The following CD36 variants were observed in gnomAD, a reference collection of about 807,000 sequenced individuals.
CD36 encodes CD36 molecule (CD36 blood group).
CD36 carries 119 observed loss-of-function variants against 55.2 expected under a neutral mutation model. The ratio of observed to expected loss-of-function variants is 2.15; its 90% CI spans 1.86 to 2.51. The LOEUF (loss-of-function observed/expected upper bound fraction) is 2.51, where lower values mean the gene tolerates loss of function less well. Among genes scored for constraint, CD36 ranks in the 30% most tolerant of loss-of-function variants. The pLI is 0.00. For missense variants in CD36, 819 were observed against 555.5 expected (o/e 1.47, Z -4.77); for synonymous variants, 186 against 193.6 (o/e 0.96, Z 0.33).
chr7:80,652,178 A>G (rs1795677871), intron 3 of CD36, among the ~76,000 whole-genome samples: 3 of 152,212 alleles, frequency 2.0e-5, no homozygotes, highest in South Asian at 2.1e-4. Flanking sequence ...ATGTGCATAT[A>G]GCTGTAATAA....
chr7:80,664,347 T>C (rs1796819040), intron 6 of CD36, 59 bp from the exon 7 acceptor site: 2 of 870,264 alleles, frequency 2.3e-6, no homozygotes, highest in Non-Finnish European at 4.0e-6. Context: ...GAGTTATGTA[T>C]TGTACAACTT....
At chr7:80,641,565 A>T (rs1239413334) in intron 1 of CD36, among the ~76,000 whole-genome samples, 1 of 152,066 alleles carries the variant, frequency 6.6e-6, no homozygotes, top group African/African-American at 2.4e-5. Context: ...ATAGATAGAA[A>T]AAAAAGAAAT....
chr7:80,635,148 A>T (rs1329621603), upstream of CD36, among the ~76,000 whole-genome samples: 1 of 152,142 alleles, frequency 6.6e-6, no homozygotes, highest in East Asian at 1.9e-4. Context: ...GAGGAATACA[A>T]TTGGGGATTG....
At chr7:80,664,097 G>A (rs1186061839) in intron 6 of CD36, among the ~76,000 whole-genome samples, 3 of 152,038 alleles carry the variant, frequency 2.0e-5, no homozygotes, top group Non-Finnish European at 4.4e-5. Context: ...TTATAGGTTT[G>A]TTCAATGTCC....
At chr7:80,622,811 A>T (rs1793540664) in intron 1 of CD36, among the ~76,000 whole-genome samples, 1 of 152,192 alleles carries the variant, frequency 6.6e-6, no homozygotes, top group African/African-American at 2.4e-5. Context: ...CTCTGTGTAT[A>T]AGCTGCATCT....
At chr7:80,631,227 T>C (rs570396849) in intron 1 of CD36, among the ~76,000 whole-genome samples, 35 of 152,160 alleles carry the variant, frequency 2.3e-4, no homozygotes, top group African/African-American at 8.4e-4. Context: ...TGAAATGGGA[T>C]GATCACAGTA....
intron 7 of CD36, 58 bp downstream of exon 7, chr7:80,664,555 G>T: frequency 1.1e-6 from 1 of 938,998 alleles, no homozygotes; most frequent in East Asian, 2.4e-5. Context: ...AGCAGGAATA[G>T]TATTCATTTA....
intron 8 of CD36, among the ~76,000 whole-genome samples, chr7:80,668,576 T>C (rs1003270112): frequency 6.6e-6 from 1 of 152,214 alleles, no homozygotes; most frequent in African/African-American, 2.4e-5. Flanking sequence ...ATATCAACTA[T>C]GTTGCAGTCA....
chr7:80,666,228 T>TA, intron 7 of CD36: 1 of 505,928 alleles, frequency 2.0e-6, no homozygotes, highest in South Asian at 2.8e-5. Flanking sequence ...GCAGTTTTTA[T>TA]TTTATGATCT....
chr7:80,611,990 T>A (rs939924531), intron 1 of CD36, among the ~76,000 whole-genome samples: 14 of 152,214 alleles, frequency 9.2e-5, no homozygotes, highest in Admixed American at 6.5e-4. Context: ...ATGAATTGTT[T>A]GTGTTCAGCA....
rs575389244 is a variant in CD36, at chr7:80,675,035, CAGTGAA to C, written c.*893_*898del. ...AATTGTTTGTGACCAAAGCATAAAT[CAGTGAA>C]AGTGGAATTTGGGGACCAATAATTT... On this transcript the variant is annotated intron_variant, in intron 14 of 14. Coordinates refer to ENST00000447544, the MANE Select transcript of CD36 (RefSeq NM_001001548.3). Among the ~76,000 whole-genome samples the C allele has an allele frequency of 1.4e-3, 210 of 152,162 alleles. 1 individual carries two copies. The highest frequency in any genetic ancestry group is 4.7e-3 in the African/African-American group (197 of 41,534).
chr7:80,617,848 C>A (rs1039655859), intron 1 of CD36, among the ~76,000 whole-genome samples: 1 of 151,954 alleles, frequency 6.6e-6, no homozygotes, highest in Admixed American at 6.6e-5. Context: ...GTGCTGCGGT[C>A]TTCTAGGGGT....
chr7:80,610,809 G>A (rs1388843632), intron 1 of CD36, among the ~76,000 whole-genome samples: 2 of 151,894 alleles, frequency 1.3e-5, no homozygotes, highest in Non-Finnish European at 2.9e-5. Flanking sequence ...TCCTGACCTC[G>A]TGATCTGCCT....
chr7:80,603,015 A>G (rs1562763617), intron 1 of CD36, among the ~76,000 whole-genome samples: 1 of 152,052 alleles, frequency 6.6e-6, no homozygotes, highest in Non-Finnish European at 1.5e-5. Context: ...AAACTTACTA[A>G]TCATTAGTGA....
chr7:80,646,718 A>G lies in CD36; in HGVS notation c.-23A>G. On this transcript the variant is annotated 5_prime_UTR_variant, in exon 3 of 15. Coordinates refer to ENST00000447544, the MANE Select transcript of CD36 (RefSeq NM_001001548.3). ...TTGCAAGAAACAGGTGCTTAACACT[A>G]ATTCACCTCCTGAACAAGAAAAATG... 6.2e-7 allele frequency: 1 copy of G among 1,613,702 alleles called. No individual in the cohort carries two copies. Among genetic ancestry groups the G allele is most frequent in the Non-Finnish European group, 8.5e-7 (1 of 1,179,734 alleles).
intron 7 of CD36, 138 bp from the exon 8 acceptor site, chr7:80,666,305 G>T: frequency 1.5e-6 from 1 of 677,088 alleles, no homozygotes; most frequent in East Asian, 2.7e-5. Context: ...AAACAGAATT[G>T]AACATTTCTT....
chr7:80,610,166 G>A (rs1009602611), intron 1 of CD36, among the ~76,000 whole-genome samples: 1 of 152,102 alleles, frequency 6.6e-6, no homozygotes, highest in African/African-American at 2.4e-5. Flanking sequence ...ATTGGCATGA[G>A]AATGATAAAA....
chr7:80,674,000 T>A lies in CD36; in HGVS notation c.1272T>A (p.Asp424Glu). 1 of 1,612,092 alleles carries A rather than the reference T, an allele frequency of 6.2e-7. No homozygotes were observed. The highest frequency in any genetic ancestry group is 2.2e-5 in the East Asian group (1 of 44,678). The change falls in exon 14 of 15, where the codon GAT (aspartate) becomes GAA (glutamate). Residue 424 changes from aspartate (D) to glutamate (E), a missense_variant. Asp to Glu is a conservative substitution (Grantham distance 45). Transcript: ENST00000447544. ...GATTACAGACTGGGACCATTGGTGATGAGAAGGCAAACATGTTCAGAAGTC... is the reference window on the plus strand; with the variant it reads ...GATTACAGACTGGGACCATTGGTGAAGAGAAGGCAAACATGTTCAGAAGTC... Reference protein sequence around the residue: ...LWLNETGTIGDEKANMFRSQV... With the variant: ...LWLNETGTIGEEKANMFRSQV...
rs1744819370 is a variant in CD36, at chr7:80,671,968, T to C, written c.1053T>C (p.Pro351=). 3 of 1,610,236 alleles carry C rather than the reference T, an allele frequency of 1.9e-6. No individual in the cohort carries two copies. Among genetic ancestry groups the C allele is most frequent in the African/African-American group, 2.7e-5 (2 of 74,810 alleles). ...TTCCTCATTTTCTGTATGCAAGTCCTGATGTTTCAGAACCTATTGATGGAT... is the reference window on the plus strand; with the variant it reads ...TTCCTCATTTTCTGTATGCAAGTCCCGATGTTTCAGAACCTATTGATGGAT... ...ISLPHFLYAS[P]DVSEPIDGLN... is the part of the protein sequence containing the mutation. The change falls in exon 11 of 15, where the codon CCT becomes CCC. Residue 351 remains proline (P), a synonymous_variant. Coordinates refer to ENST00000447544, the MANE Select transcript of CD36 (RefSeq NM_001001548.3).
Sources: allele counts gnomAD v4.1 joint callset (sites outside exome capture counted in the v4.1 genomes callset), GRCh38; gene constraint gnomAD v4.1.1; transcripts MANE v1.5; gene names NCBI Gene and HGNC (gene_info 2026-07-23, HGNC 2026-07-21).